KIRREL3: variants seen among roughly 807,000 people sequenced by gnomAD.
The protein encoded by KIRREL3 is kin of IRRE-like protein 3.
KIRREL3 carries 36 observed loss-of-function variants against 89.7 expected under a neutral mutation model. The ratio of observed to expected loss-of-function variants is 0.40; its 90% CI spans 0.31 to 0.53. KIRREL3 has a LOEUF of 0.53. KIRREL3 is among the 20% of genes least tolerant of loss of function. The pLI, the probability that KIRREL3 is intolerant of heterozygous loss-of-function variation, is 0.49. For missense variants in KIRREL3, 864 were observed against 1,056.6 expected (o/e 0.82, Z 2.53); for synonymous variants, 445 against 441.4 (o/e 1.01, Z -0.10).
At position 126,566,645 on chromosome 11, in the gene KIRREL3, G is replaced by C. The variant is rs574653379; in HGVS notation, c.56-3733C>G. On this transcript the variant is annotated intron_variant, in intron 1 of 16. Coordinates refer to ENST00000525144, the MANE Select transcript of KIRREL3 (RefSeq NM_032531.4). This position sits in a 1 kb window ranked among gnomAD's most constrained non-coding sequence, Gnocchi z 4.9. ...GATAACATAGTGGGATTTCCTCCTGGGAGAAATAAAAGGGGATGGCTTTTT... is the reference window on the plus strand; with the variant it reads ...GATAACATAGTGGGATTTCCTCCTGCGAGAAATAAAAGGGGATGGCTTTTT... 6.6e-6 allele frequency among the ~76,000 whole-genome samples: 1 copy of C among 152,298 alleles called. No individual in the cohort carries two copies. Among genetic ancestry groups the C allele is most frequent in the Admixed American group, 6.5e-5 (1 of 15,300 alleles).
chr11:126,574,333 C>T lies in KIRREL3; in HGVS notation c.56-11421G>A, dbSNP rs1941138642. 6.6e-6 allele frequency among the ~76,000 whole-genome samples: 1 copy of T among 152,196 alleles called. No homozygotes were observed. The highest frequency in any genetic ancestry group is 2.4e-5 in the African/African-American group (1 of 41,444). ...CCTCCTTCAGAGCCCCATATCCAAG[C>T]TGGTGGCCCAGCAACAAAAATCAAA... On this transcript the variant is annotated intron_variant, in intron 1 of 16. Transcript: ENST00000525144. This position sits in a 1 kb window ranked among gnomAD's most constrained non-coding sequence, Gnocchi z 5.3.
chr11:126,706,592 T>G (rs1947536709), intron 1 of KIRREL3, among the ~76,000 whole-genome samples: 1 of 152,206 alleles, frequency 6.6e-6, no homozygotes, highest in African/African-American at 2.4e-5. Flanking sequence ...ATGCCACCAG[T>G]GGTATGAATG....
chr11:126,900,388 A>G lies in KIRREL3; in HGVS notation c.55+100067T>C, dbSNP rs1946327138. ...AATTCAGAGAAGTCTAGAAATAGAAATAACAAACACAAAAAAGAAAGCCTG... is the reference window on the plus strand; with the variant it reads ...AATTCAGAGAAGTCTAGAAATAGAAGTAACAAACACAAAAAAGAAAGCCTG... On this transcript the variant is annotated intron_variant, in intron 1 of 16. Transcript: ENST00000525144. This position sits in a 1 kb window ranked among gnomAD's most constrained non-coding sequence, Gnocchi z 4.4. 6.6e-6 allele frequency among the ~76,000 whole-genome samples: 1 copy of G among 152,220 alleles called. No individual in the cohort carries two copies.
intron 1 of KIRREL3, among the ~76,000 whole-genome samples, chr11:126,732,563 C>G (rs1041647787): frequency 6.6e-6 from 1 of 152,182 alleles, no homozygotes; most frequent in Non-Finnish European, 1.5e-5. Flanking sequence ...CTGCTTGTCT[C>G]GGGAAAGTGT....
At chr11:126,874,432 C>G (rs959741062) in intron 1 of KIRREL3, among the ~76,000 whole-genome samples, 15 of 152,226 alleles carry the variant, frequency 9.9e-5, no homozygotes, top group Admixed American at 2.6e-4. Flanking sequence ...AATCATGAAA[C>G]AGTGTAGTTT....
chr11:126,573,906 A>T (rs1160611941), intron 1 of KIRREL3, among the ~76,000 whole-genome samples: 1 of 152,112 alleles, frequency 6.6e-6, no homozygotes, highest in African/African-American at 2.4e-5. Context: ...TAAGGTCAAG[A>T]TTGCAGGGGA....
At chr11:126,458,290 G>A (rs1956438068) in intron 6 of KIRREL3, among the ~76,000 whole-genome samples, 1 of 152,224 alleles carries the variant, frequency 6.6e-6, no homozygotes, top group African/African-American at 2.4e-5. Context: ...GAGGCAATGA[G>A]GAAAAATGCT....
At chr11:126,827,871 T>C (rs1468145894) in intron 1 of KIRREL3, among the ~76,000 whole-genome samples, 1 of 152,174 alleles carries the variant, frequency 6.6e-6, no homozygotes, top group East Asian at 1.9e-4. Context: ...CACTGCCTTG[T>C]CATCTGATTG....
chr11:126,487,943 C>T (rs908238439), intron 4 of KIRREL3, among the ~76,000 whole-genome samples: 11 of 152,246 alleles, frequency 7.2e-5, no homozygotes, highest in East Asian at 1.9e-4. Flanking sequence ...GCTTCCACTA[C>T]GGGGTGCCGC....
chr11:126,846,885 T>C (rs996433975), intron 1 of KIRREL3, among the ~76,000 whole-genome samples: 3 of 152,198 alleles, frequency 2.0e-5, no homozygotes, highest in East Asian at 1.9e-4. Context: ...AAAAATTGTG[T>C]ATGTGGACAT....
chr11:126,819,672 T>TC (rs1353930042), intron 1 of KIRREL3, among the ~76,000 whole-genome samples: 1 of 152,186 alleles, frequency 6.6e-6, no homozygotes, highest in Non-Finnish European at 1.5e-5. Context: ...CACATACACA[T>TC]CGGTGAGCAG....
At position 126,985,713 on chromosome 11, in the gene KIRREL3, G is replaced by T. The variant is rs1369065390; in HGVS notation, c.55+14742C>A. 2.6e-5 allele frequency among the ~76,000 whole-genome samples: 4 copies of T among 152,136 alleles called. No homozygotes were observed. The highest frequency in any genetic ancestry group is 7.2e-5 in the African/African-American group (3 of 41,420). On this transcript the variant is annotated intron_variant, in intron 1 of 16. Transcript: ENST00000525144. This position sits in a 1 kb window ranked among gnomAD's most constrained non-coding sequence, Gnocchi z 5.3. ...GGAGACTTTCATTCTGAGACTCTTT[G>T]TCCTGAAGGTGTCGGGATGCTGTCA...
At position 126,808,272 on chromosome 11, in the gene KIRREL3, T is replaced by C. The variant is rs923046467; in HGVS notation, c.55+192183A>G. Among the ~76,000 whole-genome samples the C allele has an allele frequency of 1.3e-5, 2 of 152,198 alleles. No homozygotes were observed. Among genetic ancestry groups the C allele is most frequent in the African/African-American group, 2.4e-5 (1 of 41,450 alleles). ...CAAAAGAGAATACTTATTTGAAAAT[T>C]AAATGTCTTCACTTCTTTTCCAGGA... On this transcript the variant is annotated intron_variant, in intron 1 of 16. Transcript: ENST00000525144. This position sits in a 1 kb window ranked among gnomAD's most constrained non-coding sequence, Gnocchi z 4.1.
At chr11:126,533,990 T>TC (rs1488979476) in intron 2 of KIRREL3, among the ~76,000 whole-genome samples, 1 of 152,150 alleles carries the variant, frequency 6.6e-6, no homozygotes, top group Non-Finnish European at 1.5e-5. Context: ...CAGGTGGCTC[T>TC]CTATTGGTGT....
chr11:126,444,138 A>G (rs1591541741), intron 10 of KIRREL3, among the ~76,000 whole-genome samples: 1 of 152,276 alleles, frequency 6.6e-6, no homozygotes, highest in East Asian at 1.9e-4. Flanking sequence ...TATTTCATGT[A>G]ACAGTCATTC....
At position 126,571,209 on chromosome 11, in the gene KIRREL3, T is replaced by C. The variant is rs1940908073; in HGVS notation, c.56-8297A>G. ...TACCTTGCCTAGCTCTTATCATCTT[T>C]CTCTCCTTGGAGGGCTGGGTTCCTC... On this transcript the variant is annotated intron_variant, in intron 1 of 16. Transcript: ENST00000525144. The surrounding 1 kb of genome is among the most constrained non-coding windows in gnomAD (Gnocchi z 7.7). Among the ~76,000 whole-genome samples, 1 of 152,204 alleles carries C rather than the reference T, an allele frequency of 6.6e-6. No individual in the cohort carries two copies. The highest frequency in any genetic ancestry group is 6.5e-5 in the Admixed American group (1 of 15,284).
At position 126,666,886 on chromosome 11, in the gene KIRREL3, C is replaced by T. The variant is rs1437406469; in HGVS notation, c.56-103974G>A. ...ATGGATACAGGTTTGATGAAAGGTCCCTGGGGAATGAGAGGGCTTAGCCAA... is the reference window on the plus strand; with the variant it reads ...ATGGATACAGGTTTGATGAAAGGTCTCTGGGGAATGAGAGGGCTTAGCCAA... On this transcript the variant is annotated intron_variant, in intron 1 of 16. Transcript: ENST00000525144. The surrounding 1 kb of genome is among the most constrained non-coding windows in gnomAD (Gnocchi z 4.2). Among the ~76,000 whole-genome samples the T allele has an allele frequency of 6.6e-6, 1 of 152,020 alleles. No homozygotes were observed. Among genetic ancestry groups the T allele is most frequent in the African/African-American group, 2.4e-5 (1 of 41,388 alleles).
rs1018707369 is a variant in KIRREL3, at chr11:126,501,615, G to A, written c.433+19700C>T. Among the ~76,000 whole-genome samples, 9 of 152,180 alleles carry A rather than the reference G, an allele frequency of 5.9e-5. No individual in the cohort carries two copies. The highest frequency in any genetic ancestry group is 2.2e-4 in the African/African-American group (9 of 41,430). On this transcript the variant is annotated intron_variant, in intron 4 of 16. Transcript: ENST00000525144. The surrounding 1 kb of genome is among the most constrained non-coding windows in gnomAD (Gnocchi z 5.8). ...GCTCTTTAAAATAGGGCAGTTATTA[G>A]CAGGGAAGGAACACACTGCCCACTC...
Position 126,459,572 on chromosome 11 carries a change from A to G in KIRREL3, c.743-3118T>C, listed in dbSNP as rs1020232112. On this transcript the variant is annotated intron_variant, in intron 6 of 16. Coordinates refer to ENST00000525144, the MANE Select transcript of KIRREL3 (RefSeq NM_032531.4). This position sits in a 1 kb window ranked among gnomAD's most constrained non-coding sequence, Gnocchi z 4.8. ...CAGAGGTATAAATAGTTTATGTCAT[A>G]TCCAACTATTAAACATGATTTTAAT... is the stretch of plus-strand genomic sequence containing the variant. 2.6e-5 allele frequency among the ~76,000 whole-genome samples: 4 copies of G among 152,206 alleles called. No individual in the cohort carries two copies. The highest frequency in any genetic ancestry group is 9.6e-5 in the African/African-American group (4 of 41,452).
Sources: allele counts gnomAD v4.1 joint callset (sites outside exome capture counted in the v4.1 genomes callset), GRCh38; gene constraint gnomAD v4.1.1; non-coding constraint Gnocchi (gnomAD v3.1); transcripts MANE v1.5; gene names NCBI Gene and HGNC (gene_info 2026-07-23, HGNC 2026-07-21).